The following NBAS variants were observed in gnomAD, a reference collection of about 807,000 sequenced individuals.
NBAS encodes the protein NAG/BC035112 fusion.
NBAS carries 219 observed loss-of-function variants against 302.5 expected under a neutral mutation model. The ratio of observed to expected loss-of-function variants is 0.72; its 90% confidence interval spans 0.65 to 0.81. The LOEUF (loss-of-function observed/expected upper bound fraction) is 0.81, where lower values mean the gene tolerates loss of function less well. Among genes scored for constraint, NBAS ranks in the 30% least tolerant of loss-of-function variants. The pLI is 0.00. For synonymous variants in NBAS, 1,118 were observed against 1,021.6 expected (o/e 1.09, Z -1.80); for missense variants, 2,932 against 2,841.6 (o/e 1.03, Z -0.72).
the NBAS span, among the ~76,000 whole-genome samples, chr2:15,031,006 A>C: frequency 6.6e-6 from 1 of 152,250 alleles, no homozygotes; most frequent in East Asian, 1.9e-4. Flanking sequence ...CTGCCTCAGA[A>C]CCCTAGTTGT....
chr2:15,163,474 T>A (rs1372943306), downstream of NBAS, among the ~76,000 whole-genome samples: 1 of 152,170 alleles, frequency 6.6e-6, no homozygotes, highest in Non-Finnish European at 1.5e-5. Context: ...TCTGACTGAA[T>A]GGGTCAGACT....
chr2:15,035,082 A>G, the NBAS span, among the ~76,000 whole-genome samples: 1 of 150,852 alleles, frequency 6.6e-6, no homozygotes, highest in African/African-American at 2.4e-5. Flanking sequence ...ACAGATTGCA[A>G]TCCTCTGCTG....
intron 6 of NBAS, 44 bp from the exon 7 acceptor site, chr2:15,539,400 A>G (rs771510966): frequency 1.2e-6 from 2 of 1,610,712 alleles, no homozygotes; most frequent in Non-Finnish European, 8.5e-7. Context: ...AATATATTAC[A>G]AAGATAGTTA....
chr2:14,964,377 C>CT, the NBAS span, among the ~76,000 whole-genome samples: 3 of 152,072 alleles, frequency 2.0e-5, no homozygotes, highest in Non-Finnish European at 4.4e-5. Context: ...AAAAAATACA[C>CT]TGGATGGGAT....
At chr2:15,078,337 A>G in the NBAS span, among the ~76,000 whole-genome samples, 4 of 152,188 alleles carry the variant, frequency 2.6e-5, no homozygotes, top group Non-Finnish European at 2.9e-5. Flanking sequence ...GGGCATATCA[A>G]TAAAGCTAGC....
At chr2:15,058,014 C>A in the NBAS span, among the ~76,000 whole-genome samples, 2 of 152,188 alleles carry the variant, frequency 1.3e-5, no homozygotes, top group African/African-American at 4.8e-5. Flanking sequence ...ACTAGTACCA[C>A]CGCTATGGAA....
At chr2:15,462,044 C>T (rs1350318801) in intron 19 of NBAS, among the ~76,000 whole-genome samples, 1 of 152,086 alleles carries the variant, frequency 6.6e-6, no homozygotes. Flanking sequence ...AAGTTAATTG[C>T]AGTAGGACAA....
chr2:15,297,721 G>C (rs750018784), intron 40 of NBAS, among the ~76,000 whole-genome samples: 2 of 152,150 alleles, frequency 1.3e-5, no homozygotes, highest in Non-Finnish European at 2.9e-5. Flanking sequence ...CAGTGTGCGA[G>C]TGAACTAATA....
chr2:15,350,850 G>A (rs1362851421), intron 35 of NBAS, among the ~76,000 whole-genome samples: 1 of 152,158 alleles, frequency 6.6e-6, no homozygotes, highest in African/African-American at 2.4e-5. Flanking sequence ...CAATAGCAAT[G>A]TCCTGGATTG....
At chr2:14,913,900 C>A in the NBAS span, among the ~76,000 whole-genome samples, 1 of 152,092 alleles carries the variant, frequency 6.6e-6, no homozygotes, top group African/African-American at 2.4e-5. Context: ...ATGGAAATAG[C>A]CAGACACACT....
chr2:15,158,667 C>A, the NBAS span, among the ~76,000 whole-genome samples: 1 of 152,184 alleles, frequency 6.6e-6, no homozygotes, highest in East Asian at 1.9e-4. Context: ...GAGTCGGGGC[C>A]CAGGATTTAG....
chr2:15,312,978 C>T (rs1355673829), intron 38 of NBAS, among the ~76,000 whole-genome samples: 1 of 152,202 alleles, frequency 6.6e-6, no homozygotes, highest in African/African-American at 2.4e-5. Context: ...CAGTCTTTCT[C>T]CTTCCAGCAC....
chr2:15,319,849 A>G (rs1392611503), intron 38 of NBAS, among the ~76,000 whole-genome samples: 1 of 152,142 alleles, frequency 6.6e-6, no homozygotes, highest in Non-Finnish European at 1.5e-5. Flanking sequence ...TTCTGAAACG[A>G]TCCCAATCAA....
intron 44 of NBAS, among the ~76,000 whole-genome samples, chr2:15,248,404 G>T (rs1297680896): frequency 6.6e-6 from 1 of 152,100 alleles, no homozygotes; most frequent in Non-Finnish European, 1.5e-5. Context: ...TTATTGAGAA[G>T]CAAGAGCAAA....
chr2:15,295,911 C>T (rs1319490338), intron 40 of NBAS, among the ~76,000 whole-genome samples: 1 of 151,460 alleles, frequency 6.6e-6, no homozygotes, highest in African/African-American at 2.4e-5. Context: ...ACATCCTCCT[C>T]ACAGTTTGTT....
At chr2:15,399,882 A>G (rs762797351) in intron 26 of NBAS, among the ~76,000 whole-genome samples, 1 of 152,344 alleles carries the variant, frequency 6.6e-6, no homozygotes, top group Non-Finnish European at 1.5e-5. Context: ...AAAAGACAAG[A>G]GTCATACCTT....
the NBAS span, among the ~76,000 whole-genome samples, chr2:15,113,060 T>A: frequency 2.0e-5 from 3 of 152,070 alleles, no homozygotes; most frequent in Admixed American, 1.3e-4. Flanking sequence ...ATATGCAATT[T>A]AAAAAAACCT....
chr2:14,781,754 A>AAAC, the NBAS span, among the ~76,000 whole-genome samples: 2 of 151,824 alleles, frequency 1.3e-5, no homozygotes, highest in East Asian at 1.9e-4. Flanking sequence ...GACAAAAAAA[A>AAAC]AAAAAACTGG....
rs573558447 is a variant in NBAS at position 15,460,234 on chromosome 2, T to G, written c.2339+967A>C. Among the ~76,000 whole-genome samples the G allele has an allele frequency of 7.9e-5, 12 of 152,326 alleles. No homozygotes were observed. In the South Asian group the frequency reaches 2.5e-3, roughly 32 times the overall value. ...CAGTGTACTACAAGGTACTTTACAG[T>G]ATACTATAGTTAACAAGCAGATATT... On this transcript the variant is annotated intron_variant, in intron 21 of 51. Coordinates refer to ENST00000281513, the MANE Select transcript of NBAS (RefSeq NM_015909.4).
Sources: allele counts gnomAD v4.1 joint callset (sites outside exome capture counted in the v4.1 genomes callset), GRCh38; gene constraint gnomAD v4.1.1; transcripts MANE v1.5; gene names NCBI Gene and HGNC (gene_info 2026-07-23, HGNC 2026-07-21).